The following CDH12 variants were observed in gnomAD, a reference collection of about 807,000 sequenced individuals.
CDH12 encodes the protein cadherin-12.
A neutral mutation model predicts 74.1 loss-of-function variants in CDH12; 41 were observed. The ratio of observed to expected loss-of-function variants is 0.55; its 90% CI spans 0.43 to 0.72. The LOEUF is 0.72. Among genes scored for constraint, CDH12 ranks in the 30% least tolerant of loss-of-function variants. The pLI, the probability that CDH12 is intolerant of heterozygous loss-of-function variation, is 0.00. For synonymous variants in CDH12, 399 were observed against 355.0 expected (o/e 1.12, Z -1.39); for missense variants, 945 against 977.2 (o/e 0.97, Z 0.44).
intron 6 of CDH12, chr5:21,883,445 A>C: frequency 4.4e-6 from 7 of 1,604,178 alleles, no homozygotes; most frequent in Non-Finnish European, 6.0e-6. Flanking sequence ...CTCTAAGTAC[A>C]CTCATCTTGA....
At chr5:22,694,562 T>C (rs1268389767) in intron 1 of CDH12, among the ~76,000 whole-genome samples, 15 of 152,124 alleles carry the variant, frequency 9.9e-5, no homozygotes. Flanking sequence ...CTAGAACTGG[T>C]TTCTTATAAA....
chr5:22,111,167 T>A (rs1032074225), intron 4 of CDH12, among the ~76,000 whole-genome samples: 3 of 152,146 alleles, frequency 2.0e-5, no homozygotes, highest in Admixed American at 2.0e-4. Flanking sequence ...TGGGTGGTGG[T>A]ATTTATTCAT....
At chr5:22,010,240 A>G (rs1737223217) in intron 5 of CDH12, among the ~76,000 whole-genome samples, 1 of 152,176 alleles carries the variant, frequency 6.6e-6, no homozygotes, top group Non-Finnish European at 1.5e-5. Flanking sequence ...TCTTAAGCTA[A>G]TGAAACTAAT....
intron 10 of CDH12, among the ~76,000 whole-genome samples, chr5:21,793,590 T>G (rs1472841660): frequency 6.6e-6 from 1 of 151,724 alleles, no homozygotes; most frequent in Non-Finnish European, 1.5e-5. Flanking sequence ...TATTTACTCT[T>G]ATTAGGTCAT....
chr5:22,284,950 G>GAAAAA (rs58641614), intron 3 of CDH12, among the ~76,000 whole-genome samples: 1 of 140,580 alleles, frequency 7.1e-6, no homozygotes, highest in African/African-American at 2.6e-5. Flanking sequence ...AAGAAGAAAT[G>GAAAAA]AAAAAAAAAA....
At chr5:21,858,089 T>G (rs562880190) in intron 6 of CDH12, among the ~76,000 whole-genome samples, 1 of 151,820 alleles carries the variant, frequency 6.6e-6, no homozygotes, top group South Asian at 2.1e-4. Flanking sequence ...TCATTTAACC[T>G]TAATTACCAC....
chr5:22,673,907 T>A (rs1336122924), intron 1 of CDH12, among the ~76,000 whole-genome samples: 1 of 152,122 alleles, frequency 6.6e-6, no homozygotes, highest in African/African-American at 2.4e-5. Flanking sequence ...TCACAAAAAA[T>A]AAAGAAAAAT....
chr5:22,023,504 A>G (rs1300879551), intron 5 of CDH12, among the ~76,000 whole-genome samples: 1 of 151,862 alleles, frequency 6.6e-6, no homozygotes, highest in African/African-American at 2.4e-5. Flanking sequence ...TCTATTATCT[A>G]TATTTGTGTG....
intron 2 of CDH12, among the ~76,000 whole-genome samples, chr5:22,442,220 T>C (rs1744655652): frequency 6.6e-6 from 1 of 152,208 alleles, no homozygotes; most frequent in African/African-American, 2.4e-5. Context: ...ATCAAAAACT[T>C]TAATTGCTTA....
At chr5:21,818,580 C>T (rs957873610) in intron 8 of CDH12, among the ~76,000 whole-genome samples, 2 of 151,816 alleles carry the variant, frequency 1.3e-5, no homozygotes, top group African/African-American at 4.8e-5. Flanking sequence ...TGCAGATCAG[C>T]CGTATTTAAA....
At chr5:21,840,909 A>G (rs1350497743) in intron 8 of CDH12, among the ~76,000 whole-genome samples, 4 of 152,116 alleles carry the variant, frequency 2.6e-5, no homozygotes, top group Non-Finnish European at 4.4e-5. Flanking sequence ...AAACCCTAGA[A>G]GAAAACCTAG....
At chr5:21,974,988 A>C in intron 6 of CDH12, 103 bp downstream of exon 6, 1 of 811,202 alleles carries the variant, frequency 1.2e-6, no homozygotes, top group South Asian at 1.8e-5. Context: ...AGAATTGAAA[A>C]ATATTCTTTT....
At chr5:22,718,780 A>T (rs970226353) in intron 1 of CDH12, among the ~76,000 whole-genome samples, 2 of 151,800 alleles carry the variant, frequency 1.3e-5, no homozygotes, top group Non-Finnish European at 2.9e-5. Context: ...AGACACTAAA[A>T]CCTCCAGTGA....
chr5:21,863,045 A>T (rs1751134837), intron 6 of CDH12, among the ~76,000 whole-genome samples: 1 of 152,172 alleles, frequency 6.6e-6, no homozygotes, highest in Admixed American at 6.6e-5. Context: ...TAAACAAAAC[A>T]GAACAAAAAC....
chr5:22,657,685 T>C (rs1019531242), intron 1 of CDH12, among the ~76,000 whole-genome samples: 11 of 152,204 alleles, frequency 7.2e-5, no homozygotes, highest in Non-Finnish European at 1.3e-4. Context: ...TCAAAATTTA[T>C]ACCTAATTCT....
In CDH12 at chr5:21,791,621, T is replaced by C. The variant is rs553252753; in HGVS notation, c.1257-8127A>G. ...TTTAAGTGAAAAAACGATTATATGA[T>C]TATAATCTGTATATAATAAAATAAA... On this transcript the variant is annotated intron_variant, in intron 10 of 14. Transcript: ENST00000382254. Among the ~76,000 whole-genome samples, 4 of 151,720 alleles carry C rather than the reference T, an allele frequency of 2.6e-5. No individual in the cohort carries two copies. The South Asian group carries it at 6.2e-4, about 24-fold the overall frequency.
At chr5:22,179,362 A>G (rs760630636) in intron 4 of CDH12, among the ~76,000 whole-genome samples, 9 of 152,176 alleles carry the variant, frequency 5.9e-5, no homozygotes, top group African/African-American at 1.2e-4. Context: ...CTTTCATCCA[A>G]TAAGAGGAGA....
intron 3 of CDH12, among the ~76,000 whole-genome samples, chr5:22,341,284 G>T (rs574366699): frequency 2.0e-4 from 31 of 152,124 alleles, no homozygotes; most frequent in East Asian, 7.8e-4. Context: ...AGGAGTTAAA[G>T]ACCAGCCTGG....
intron 4 of CDH12, among the ~76,000 whole-genome samples, chr5:22,167,935 C>G (rs1748780438): frequency 6.6e-6 from 1 of 152,098 alleles, no homozygotes; most frequent in South Asian, 2.1e-4. Flanking sequence ...GGTCAAAACA[C>G]CACCATTAGA....
Sources: gnomAD v4.1 joint callset for allele counts (sites outside exome capture counted in the v4.1 genomes callset) on GRCh38, gnomAD v4.1.1 for gene constraint, MANE v1.5 for transcripts, NCBI Gene and HGNC (gene_info 2026-07-23, HGNC 2026-07-21) for gene names.